COX11: variants seen among roughly 807,000 people sequenced by gnomAD.
The protein encoded by COX11 is cytochrome c oxidase copper chaperone COX11, also known as cytochrome c oxidase assembly protein COX11, mitochondrial.
Under a neutral mutation model 29.4 loss-of-function variants are expected in COX11, and 18 were observed. The ratio of observed to expected loss-of-function variants is 0.61; its 90% CI spans 0.42 to 0.91. The LOEUF is 0.91. Ranked by LOEUF, COX11 falls within the 40% of genes least tolerant of loss-of-function variation. The pLI, the probability that COX11 is intolerant of heterozygous loss-of-function variation, is 0.00. For synonymous variants in COX11, 131 were observed against 124.0 expected (o/e 1.06, Z -0.38); for missense variants, 312 against 346.0 (o/e 0.90, Z 0.78).
Position 54,967,996 on chromosome 17 carries a change from C to CCTTTT in COX11, c.366+284_366+285insAAAAG, listed in dbSNP as rs199851953. On this transcript the variant is annotated intron_variant, in intron 1 of 3. Transcript: ENST00000299335. ...AGATACCCGGTTAGAGGCTGCGGAC[C>CCTTTT]TTTTTTTTTTTTTTTGGCGAGGTGC... Among the ~76,000 whole-genome samples, 3 of 124,502 alleles carry CCTTTT rather than the reference C, an allele frequency of 2.4e-5. No individual in the cohort carries two copies. The East Asian group carries it at 7.3e-4, about 31-fold the overall frequency. 81.7% of individuals were successfully genotyped at this position (124,502 alleles called of 152,430 possible). A position where few individuals can be genotyped will look rare whatever the true frequency, so the allele number is the denominator to read the frequency against.
rs1161563790 is a variant in COX11 at position 54,968,437 on chromosome 17, C to T, written c.210G>A (p.Pro70=). The change falls in exon 1 of 4, where the codon CCG becomes CCA. Residue 70 remains proline (P), a synonymous_variant. Coordinates refer to ENST00000299335, the MANE Select transcript of COX11 (RefSeq NM_004375.5). ...SLRARHPALQ[P]PRRPKSSNPF... ...GGTTCGAGCTCTTAGGCCGCCGCGGCGGCTGCAATGCTGGATGCCGGGCTC... is the reference window on the plus strand; with the variant it reads ...GGTTCGAGCTCTTAGGCCGCCGCGGTGGCTGCAATGCTGGATGCCGGGCTC... 6.2e-7 allele frequency: 1 copy of T among 1,613,524 alleles called. No individual in the cohort carries two copies.
chr17:54,968,036 G>T (rs1411745966), intron 1 of COX11, among the ~76,000 whole-genome samples: 2 of 132,238 alleles, frequency 1.5e-5, no homozygotes, highest in Non-Finnish European at 3.1e-5. Flanking sequence ...CATAGATCAG[G>T]GGTTTCACTC....
chr17:54,966,649 G>C (rs1456705360), intron 1 of COX11, among the ~76,000 whole-genome samples: 1 of 152,164 alleles, frequency 6.6e-6, no homozygotes, highest in Non-Finnish European at 1.5e-5. Context: ...AAAATCTCCT[G>C]GCGGTCTGAG....
chr17:54,958,782 T>C (rs2077028067), downstream of COX11, among the ~76,000 whole-genome samples: 1 of 149,314 alleles, frequency 6.7e-6, no homozygotes, highest in Non-Finnish European at 1.5e-5. Flanking sequence ...ACTAAGGCAT[T>C]TACTACAAGA....
At position 54,968,033 on chromosome 17, in the gene COX11, C is replaced by G. The variant is rs368577360; in HGVS notation, c.366+248G>C. On this transcript the variant is annotated intron_variant, in intron 1 of 3. Transcript: ENST00000299335. ...TTTTGGCGAGGTGCAGTTCATAGAT[C>G]AGGGGTTTCACTCTGCAGCATGGTA... Among the ~76,000 whole-genome samples, 204 of 120,636 alleles carry G rather than the reference C, an allele frequency of 1.7e-3. 7 individuals carry two copies. The South Asian group carries it at 0.053, about 31-fold the overall frequency. 79.1% of individuals were successfully genotyped at this position (120,636 alleles called of 152,430 possible).
At chr17:54,953,718 T>C (rs2049350322) in exon 1 of COX11, 1 of 152,266 alleles carries the variant, frequency 6.6e-6, no homozygotes, top group Non-Finnish European at 1.5e-5. Flanking sequence ...CGCATCTTCT[T>C]GTCTTCCTTT....
Sources: gnomAD v4.1 joint callset for allele counts (sites outside exome capture counted in the v4.1 genomes callset) on GRCh38, gnomAD v4.1.1 for gene constraint, MANE v1.5 for transcripts, NCBI Gene and HGNC (gene_info 2026-07-23, HGNC 2026-07-21) for gene names.